The following SLC9A1 variants were observed in gnomAD, a reference collection of about 807,000 sequenced individuals.
The protein encoded by SLC9A1 is sodium/hydrogen exchanger 1.
A neutral mutation model predicts 67.9 loss-of-function variants in SLC9A1; 22 were observed. The observed-to-expected ratio is 0.32, with a 90% CI of 0.23 to 0.46. SLC9A1 has a LOEUF of 0.46. Ranked by LOEUF, SLC9A1 falls within the 20% of genes least tolerant of loss-of-function variation. SLC9A1 has a pLI of 1.00. For synonymous variants in SLC9A1, 421 were observed against 471.8 expected (o/e 0.89, Z 1.40); for missense variants, 686 against 1,094.8 (o/e 0.63, Z 5.27).
intron 1 of SLC9A1, among the ~76,000 whole-genome samples, chr1:27,144,099 C>T (rs1253890844): frequency 6.6e-6 from 1 of 152,150 alleles, no homozygotes; most frequent in Non-Finnish European, 1.5e-5. Flanking sequence ...TCTGGCCCAG[C>T]CCACCCATTC....
chr1:27,147,262 T>C (rs561466681), intron 1 of SLC9A1, among the ~76,000 whole-genome samples: 1 of 125,732 alleles, frequency 8.0e-6, no homozygotes, highest in Non-Finnish European at 1.6e-5. Context: ...ATCATGCCTC[T>C]GCACTCCAGC....
At chr1:27,144,165 T>C (rs1408603577) in intron 1 of SLC9A1, among the ~76,000 whole-genome samples, 1 of 152,222 alleles carries the variant, frequency 6.6e-6, no homozygotes, top group East Asian at 1.9e-4. Flanking sequence ...GGTACAACTA[T>C]AAATTAACAA....
chr1:27,144,697 C>T (rs1022690943), intron 1 of SLC9A1, among the ~76,000 whole-genome samples: 1 of 152,232 alleles, frequency 6.6e-6, no homozygotes, highest in Non-Finnish European at 1.5e-5. Context: ...AGCCTTTACT[C>T]TGTGCCAGGC....
In SLC9A1 at chr1:27,121,939, A is replaced by T. The variant is rs138728715; in HGVS notation, c.353-7653T>A. On this transcript the variant is annotated intron_variant, in intron 1 of 11. Coordinates refer to ENST00000263980, the MANE Select transcript of SLC9A1 (RefSeq NM_003047.5). ...GGAGTTCGAGATTAGCCTGGCCAAC[A>T]TGGTGAAAATCCATCTCTACTAAAA... Among the ~76,000 whole-genome samples the T allele has an allele frequency of 7.3e-3, 1,109 of 152,230 alleles. 15 individuals are homozygous for T. Among genetic ancestry groups the T allele is most frequent in the African/African-American group, 0.025 (1,045 of 41,532 alleles).
At chr1:27,150,282 C>CA (rs1399882163) in intron 1 of SLC9A1, among the ~76,000 whole-genome samples, 1 of 151,838 alleles carries the variant, frequency 6.6e-6, no homozygotes. Context: ...AGACCAAAAC[C>CA]AAAAAAAGCT....
rs566659280 is a variant in SLC9A1 at position 27,107,640 on chromosome 1, GC to G, written c.1282+7del. 1.7e-5 allele frequency: 27 copies of G among 1,546,608 alleles called. No homozygotes were observed. In the African/African-American group the frequency reaches 3.7e-4, roughly 21 times the overall value. ...CAACCCCCACCCCGCCCCAGCCCTG[GC>G]CCTCACCCAGCACGCGGGCGATGAG... is the stretch of plus-strand genomic sequence containing the variant. On this transcript the variant is annotated splice_region_variant and intron_variant, in intron 4 of 11. Coordinates refer to ENST00000263980, the MANE Select transcript of SLC9A1 (RefSeq NM_003047.5).
At chr1:27,141,619 C>T (rs1000777179) in intron 1 of SLC9A1, among the ~76,000 whole-genome samples, 3 of 152,180 alleles carry the variant, frequency 2.0e-5, no homozygotes, top group African/African-American at 4.8e-5. Flanking sequence ...GCATCTGTAC[C>T]GCATTTCTCA....
intron 2 of SLC9A1, among the ~76,000 whole-genome samples, chr1:27,110,620 G>A (rs1009126681): frequency 6.6e-6 from 1 of 152,240 alleles, no homozygotes; most frequent in African/African-American, 2.4e-5. Flanking sequence ...AACCATGCGA[G>A]GCAGGTGGGT....
At chr1:27,117,517 C>G (rs1000251902) in intron 1 of SLC9A1, among the ~76,000 whole-genome samples, 3 of 152,192 alleles carry the variant, frequency 2.0e-5, no homozygotes, top group African/African-American at 7.2e-5. Context: ...CATAAATCGC[C>G]AGACAGTGCC....
At chr1:27,112,213 C>G (rs2083232972) in intron 2 of SLC9A1, among the ~76,000 whole-genome samples, 1 of 152,184 alleles carries the variant, frequency 6.6e-6, no homozygotes. Context: ...TGGAGGCCTG[C>G]CTGCTCAGGT....
At chr1:27,130,052 ACCTTGGG>A (rs1442833118) in intron 1 of SLC9A1, among the ~76,000 whole-genome samples, 1 of 152,118 alleles carries the variant, frequency 6.6e-6, no homozygotes, top group African/African-American at 2.4e-5. Context: ...TTGCTGTGTG[ACCTTGGG>A]CAGGTCACTC....
intron 1 of SLC9A1, among the ~76,000 whole-genome samples, chr1:27,132,710 A>G (rs1178891755): frequency 6.6e-6 from 1 of 152,158 alleles, no homozygotes; most frequent in Non-Finnish European, 1.5e-5. Context: ...CACTGGAATG[A>G]GTGTCACTCC....
chr1:27,103,085 G>A, intron 6 of SLC9A1, 138 bp downstream of exon 6: 1 of 705,606 alleles, frequency 1.4e-6, no homozygotes, highest in Admixed American at 2.1e-5. Context: ...GACCCTGGCG[G>A]CCTCCTGGGG....
At chr1:27,151,482 T>C (rs1296999102) in intron 1 of SLC9A1, among the ~76,000 whole-genome samples, 1 of 152,110 alleles carries the variant, frequency 6.6e-6, no homozygotes, top group Non-Finnish European at 1.5e-5. Context: ...TGCCTTGGCC[T>C]CCAGAGTAGC....
intron 1 of SLC9A1, among the ~76,000 whole-genome samples, chr1:27,130,583 C>T (rs1259041279): frequency 6.6e-6 from 1 of 152,356 alleles, no homozygotes; most frequent in East Asian, 1.9e-4. Context: ...ATGTGCAATG[C>T]CTCAGGAGAC....
At chr1:27,150,344 A>T (rs1376521121) in intron 1 of SLC9A1, among the ~76,000 whole-genome samples, 1 of 152,248 alleles carries the variant, frequency 6.6e-6, no homozygotes, top group African/African-American at 2.4e-5. Flanking sequence ...TCAGGAGACA[A>T]GATGAATACC....
Position 27,100,103 on chromosome 1 carries a change from G to A in SLC9A1, c.*204C>T, listed in dbSNP as rs1265236958. 9 of 469,020 alleles carry A rather than the reference G, an allele frequency of 1.9e-5. No homozygotes were observed. Among genetic ancestry groups the A allele is most frequent in the Non-Finnish European group, 3.4e-5 (9 of 267,622 alleles). 29.1% of individuals were successfully genotyped at this position (469,020 alleles called of 1,614,324 possible). On this transcript the variant is annotated 3_prime_UTR_variant, in exon 12 of 12. Coordinates refer to ENST00000263980, the MANE Select transcript of SLC9A1 (RefSeq NM_003047.5). The surrounding 1 kb of genome is among the most constrained non-coding windows in gnomAD (Gnocchi z 5.6). ...CCAGCAGTTCTGCCAAATGGATTGG[G>A]GAGGCAGCTCTGGTGGGGAGGATGC...
At position 27,137,985 on chromosome 1, in the gene SLC9A1, A is replaced by G. The variant is rs2083430217; in HGVS notation, c.352+15998T>C. Among the ~76,000 whole-genome samples the G allele has an allele frequency of 6.6e-6, 1 of 152,198 alleles. No individual in the cohort carries two copies. Among genetic ancestry groups the G allele is most frequent in the Non-Finnish European group, 1.5e-5 (1 of 68,034 alleles). ...CGGGAAGCTTTACTCTGTTGCCCTC[A>G]TAGACCCAGCTTGAGCTGCTGGCAG... On this transcript the variant is annotated intron_variant, in intron 1 of 11. Coordinates refer to ENST00000263980, the MANE Select transcript of SLC9A1 (RefSeq NM_003047.5). The surrounding 1 kb of genome is among the most constrained non-coding windows in gnomAD (Gnocchi z 4.6).
rs941985370 is a variant in SLC9A1, at chr1:27,109,294, C to T, written c.1064+233G>A. Among the ~76,000 whole-genome samples, 5 of 152,186 alleles carry T rather than the reference C, an allele frequency of 3.3e-5. No individual in the cohort carries two copies. Among genetic ancestry groups the T allele is most frequent in the Non-Finnish European group, 5.9e-5 (4 of 68,032 alleles). The stretch of plus-strand genomic sequence containing the variant: ...GCTCATAGCCTGAAATGCCCTCTCC[C>T]GATTCCTGGACCCCAGGGGGCGCTG... On this transcript the variant is annotated intron_variant, in intron 3 of 11. Coordinates refer to ENST00000263980, the MANE Select transcript of SLC9A1 (RefSeq NM_003047.5). This position sits in a 1 kb window ranked among gnomAD's most constrained non-coding sequence, Gnocchi z 5.5.
Sources: allele counts gnomAD v4.1 joint callset (sites outside exome capture counted in the v4.1 genomes callset), GRCh38; gene constraint gnomAD v4.1.1; non-coding constraint Gnocchi (gnomAD v3.1); transcripts MANE v1.5; gene names NCBI Gene and HGNC (gene_info 2026-07-23, HGNC 2026-07-21).